Variants in PLD5 observed in about 807,000 individuals in gnomAD.
PLD5 encodes the protein inactive phospholipase D5.
PLD5 carries 36 observed loss-of-function variants against 61.1 expected under a neutral mutation model. The ratio of observed to expected loss-of-function variants is 0.59; its 90% CI spans 0.45 to 0.78. The LOEUF (loss-of-function observed/expected upper bound fraction) is 0.78. Among genes scored for constraint, PLD5 ranks in the 30% least tolerant of loss-of-function variants. The pLI is 0.00. For missense variants in PLD5, 515 were observed against 644.4 expected (o/e 0.80, Z 2.17); for synonymous variants, 243 against 242.8 (o/e 1.00, Z -0.01).
intron 1 of PLD5, among the ~76,000 whole-genome samples, chr1:242,409,624 A>G (rs1043916968): frequency 6.6e-6 from 1 of 152,180 alleles, no homozygotes; most frequent in Admixed American, 6.5e-5. Context: ...AGGGAAGGAC[A>G]GGGGGCTCCA....
chr1:242,466,542 A>C (rs1667282111), intron 1 of PLD5, among the ~76,000 whole-genome samples: 1 of 152,206 alleles, frequency 6.6e-6, no homozygotes, highest in Admixed American at 6.5e-5. Context: ...TACGACATTA[A>C]GCTAAGTGAA....
chr1:242,414,444 A>G (rs1376291132), intron 1 of PLD5, among the ~76,000 whole-genome samples: 1 of 152,240 alleles, frequency 6.6e-6, no homozygotes, highest in Admixed American at 6.5e-5. Context: ...AAATACATGA[A>G]TAATTTTCAA....
chr1:242,146,976 T>G (rs926508378), intron 5 of PLD5, among the ~76,000 whole-genome samples: 1 of 152,226 alleles, frequency 6.6e-6, no homozygotes, highest in Admixed American at 6.5e-5. Context: ...CCATTACCAT[T>G]AGAAAACCAC....
chr1:242,326,654 A>G (rs1258996431), intron 2 of PLD5, among the ~76,000 whole-genome samples: 1 of 151,938 alleles, frequency 6.6e-6, no homozygotes, highest in Non-Finnish European at 1.5e-5. Flanking sequence ...TTTTCCTTAT[A>G]TTCTCTTTTG....
chr1:242,176,058 C>T (rs982092880), intron 5 of PLD5, among the ~76,000 whole-genome samples: 1 of 152,180 alleles, frequency 6.6e-6, no homozygotes, highest in African/African-American at 2.4e-5. Context: ...CTACCATTGA[C>T]TTTCTTCATA....
intron 1 of PLD5, among the ~76,000 whole-genome samples, chr1:242,451,688 G>C (rs941185363): frequency 6.6e-6 from 1 of 151,874 alleles, no homozygotes; most frequent in Non-Finnish European, 1.5e-5. Flanking sequence ...TCGAACTCCT[G>C]AGCTCAGGTG....
At chr1:242,248,083 T>A (rs1672491573) in intron 4 of PLD5, among the ~76,000 whole-genome samples, 1 of 152,264 alleles carries the variant, frequency 6.6e-6, no homozygotes, top group Non-Finnish European at 1.5e-5. Context: ...GAACTACTGT[T>A]ATCTTTTGTT....
intron 2 of PLD5, among the ~76,000 whole-genome samples, chr1:242,303,536 C>A (rs1322143999): frequency 6.6e-6 from 1 of 152,208 alleles, no homozygotes; most frequent in Non-Finnish European, 1.5e-5. Flanking sequence ...CCGAACTGTA[C>A]TTGGTAGAAG....
At chr1:242,334,881 C>T (rs397843000) in intron 2 of PLD5, among the ~76,000 whole-genome samples, 1 of 152,164 alleles carries the variant, frequency 6.6e-6, no homozygotes, top group Admixed American at 6.5e-5. Flanking sequence ...TCCATTAGTT[C>T]CTCACATTTA....
At chr1:242,344,088 GC>G (rs765598570) in intron 2 of PLD5, among the ~76,000 whole-genome samples, 4 of 152,166 alleles carry the variant, frequency 2.6e-5, no homozygotes, top group Non-Finnish European at 4.4e-5. Context: ...AATCCAGGAA[GC>G]TAAACAATAA....
chr1:242,345,719 C>A, intron 2 of PLD5: 1 of 697,000 alleles, frequency 1.4e-6, no homozygotes, highest in Non-Finnish European at 2.7e-6. Flanking sequence ...TGTGGAAGAT[C>A]AAATCAAATT....
At chr1:242,221,299 A>G (rs1670572016) in intron 4 of PLD5, among the ~76,000 whole-genome samples, 1 of 152,210 alleles carries the variant, frequency 6.6e-6, no homozygotes, top group South Asian at 2.1e-4. Context: ...TTAAAATAAC[A>G]GACCTATATG....
chr1:242,404,893 T>A (rs867498371), intron 1 of PLD5, among the ~76,000 whole-genome samples: 1,564 of 142,316 alleles, frequency 0.011, 91 homozygotes, highest in African/African-American at 0.04. Flanking sequence ...TTTTTTTTTT[T>A]TTTTGAGATG....
chr1:242,107,463 A>T (rs187076861), intron 8 of PLD5, among the ~76,000 whole-genome samples: 1 of 150,586 alleles, frequency 6.6e-6, no homozygotes, highest in East Asian at 2.0e-4. Flanking sequence ...AAGTGAGAAG[A>T]GGGCTGGACG....
At chr1:242,436,388 T>C (rs1665996800) in intron 1 of PLD5, among the ~76,000 whole-genome samples, 1 of 152,214 alleles carries the variant, frequency 6.6e-6, no homozygotes, top group Admixed American at 6.5e-5. Flanking sequence ...AGAGTCCACA[T>C]GCCTGTCATA....
chr1:242,175,880 G>A (rs994442948), intron 5 of PLD5, among the ~76,000 whole-genome samples: 1 of 152,116 alleles, frequency 6.6e-6, no homozygotes, highest in Middle Eastern at 3.4e-3. Context: ...CTTACCAAGG[G>A]GTGTAAAGGA....
chr1:242,236,692 T>C (rs1040324443), intron 4 of PLD5, among the ~76,000 whole-genome samples: 12 of 152,334 alleles, frequency 7.9e-5, no homozygotes, highest in African/African-American at 2.6e-4. Flanking sequence ...CATAAACTGT[T>C]TTATCACAAA....
chr1:242,513,587 C>A (rs1266383804), intron 1 of PLD5, among the ~76,000 whole-genome samples: 4 of 152,206 alleles, frequency 2.6e-5, no homozygotes, highest in Non-Finnish European at 4.4e-5. Flanking sequence ...ATAAGTAACC[C>A]GAGGCCAAAG....
At chr1:242,111,744 G>A (rs1385064242) in intron 7 of PLD5, among the ~76,000 whole-genome samples, 1 of 152,064 alleles carries the variant, frequency 6.6e-6, no homozygotes, top group African/African-American at 2.4e-5. Context: ...TAATCTTGAT[G>A]CTTGGACGAC....
Sources: allele counts gnomAD v4.1 joint callset (sites outside exome capture counted in the v4.1 genomes callset), GRCh38; gene constraint gnomAD v4.1.1; transcripts MANE v1.5; gene names NCBI Gene and HGNC (gene_info 2026-07-23, HGNC 2026-07-21).